Variants in SLC60A2 observed in about 807,000 individuals in gnomAD.
SLC60A2 encodes the protein solute carrier family 60 member 2.
At chr6:111,266,811 A>G in the SLC60A2 span, 1 of 1,613,974 alleles carries the variant, frequency 6.2e-7, no homozygotes, top group South Asian at 1.1e-5. Flanking sequence ...TCGCCAGCGA[A>G]AAGAAGACAG....
At chr6:111,263,757 G>C in the SLC60A2 span, 1 of 743,542 alleles carries the variant, frequency 1.3e-6, no homozygotes, top group Non-Finnish European at 2.3e-6. Context: ...TGCATGTTTG[G>C]ACATTTATGA....
chr6:111,267,095 C>T, the SLC60A2 span: 3 of 1,612,016 alleles, frequency 1.9e-6, no homozygotes, highest in Non-Finnish European at 2.5e-6. Context: ...TGCCAGAAAC[C>T]AGGACAAAAG....
At chr6:111,271,622 T>TAA in the SLC60A2 span, among the ~76,000 whole-genome samples, 1 of 151,400 alleles carries the variant, frequency 6.6e-6, no homozygotes, top group Admixed American at 6.6e-5. Context: ...ATTCCTTGAG[T>TAA]AATCAGGATA....
the SLC60A2 span, chr6:111,265,450 C>T: frequency 2.1e-6 from 2 of 931,766 alleles, no homozygotes; most frequent in African/African-American, 1.8e-5. Context: ...AAGTAATTTT[C>T]CTCAAGTGGC....
At chr6:111,276,275 G>C in the SLC60A2 span, among the ~76,000 whole-genome samples, 1 of 152,264 alleles carries the variant, frequency 6.6e-6, no homozygotes, top group Non-Finnish European at 1.5e-5. Flanking sequence ...CAGTTCTTTT[G>C]AGATATATAC....
At chr6:111,262,470 T>A in the SLC60A2 span, 1 of 1,542,000 alleles carries the variant, frequency 6.5e-7, no homozygotes, top group Non-Finnish European at 8.9e-7. Flanking sequence ...GTCAAGTGAA[T>A]TTACAAGTTG....
chr6:111,271,776 A>T, the SLC60A2 span, among the ~76,000 whole-genome samples: 5 of 37,622 alleles, frequency 1.3e-4, no homozygotes, highest in African/African-American at 5.0e-4. Flanking sequence ...CATCTCTACT[A>T]AAAAAAAAAA....
chr6:111,279,992 TATTG>T, the SLC60A2 span, among the ~76,000 whole-genome samples: 273 of 152,352 alleles, frequency 1.8e-3, no homozygotes, highest in Non-Finnish European at 3.3e-3. Context: ...TTGAATAAAA[TATTG>T]ATAACAATAG....
the SLC60A2 span, among the ~76,000 whole-genome samples, chr6:111,261,409 T>G: frequency 1.3e-5 from 2 of 152,148 alleles, no homozygotes; most frequent in Non-Finnish European, 2.9e-5. Context: ...CATCTCAGCC[T>G]CCCTAGTAAC....
the SLC60A2 span, among the ~76,000 whole-genome samples, chr6:111,261,806 C>T: frequency 6.6e-6 from 1 of 152,120 alleles, no homozygotes; most frequent in Non-Finnish European, 1.5e-5. Flanking sequence ...GTTGGCCACG[C>T]TGGTCTCAAA....
At chr6:111,270,898 C>T in the SLC60A2 span, 1 of 151,174 alleles carries the variant, frequency 6.6e-6, no homozygotes, top group South Asian at 2.1e-4. Context: ...CTTCAGCGGT[C>T]ACTGAAAGTG....
the SLC60A2 span, chr6:111,262,181 A>G: frequency 3.3e-6 from 4 of 1,198,374 alleles, no homozygotes; most frequent in Non-Finnish European, 4.7e-6. Flanking sequence ...TTTTTTTTAT[A>G]GTGGAAGAAA....
the SLC60A2 span, chr6:111,266,411 C>A: frequency 3.7e-6 from 6 of 1,614,136 alleles, no homozygotes; most frequent in Non-Finnish European, 5.1e-6. Context: ...CCTGCAGGGG[C>A]CTGGCAATCT....
the SLC60A2 span, chr6:111,266,959 C>T: frequency 6.2e-7 from 1 of 1,614,118 alleles, no homozygotes; most frequent in Non-Finnish European, 8.5e-7. Context: ...ATGAGGCATT[C>T]TATAATAGAG....
At chr6:111,262,120 G>A in the SLC60A2 span, 1 of 553,996 alleles carries the variant, frequency 1.8e-6, no homozygotes, top group Non-Finnish European at 3.0e-6. Context: ...TAAAAAAACA[G>A]TAGTCTAATT....
chr6:111,269,143 TTGGAGATGGCGG>T, the SLC60A2 span: 4 of 152,150 alleles, frequency 2.6e-5, no homozygotes, highest in East Asian at 7.7e-4. Flanking sequence ...CCTAACAGCT[TTGGAGATGGCGG>T]TGGAGAAGTT....
At chr6:111,271,775 T>TAAAAAAAAAAA in the SLC60A2 span, among the ~76,000 whole-genome samples, 44 of 18,850 alleles carry the variant, frequency 2.3e-3, 7 homozygotes, top group East Asian at 9.1e-3. Context: ...CCATCTCTAC[T>TAAAAAAAAAAA]AAAAAAAAAA....
At chr6:111,260,572 C>T in the SLC60A2 span, among the ~76,000 whole-genome samples, 1 of 152,196 alleles carries the variant, frequency 6.6e-6, no homozygotes, top group Non-Finnish European at 1.5e-5. Flanking sequence ...TTTTGCCAAA[C>T]CCCTGGGTCG....
the SLC60A2 span, among the ~76,000 whole-genome samples, chr6:111,261,273 A>G: frequency 6.6e-6 from 1 of 152,324 alleles, no homozygotes; most frequent in Middle Eastern, 3.4e-3. Flanking sequence ...GCATCCAGAA[A>G]TATTGCTGTT....
Sources: gnomAD v4.1 joint callset for allele counts (sites outside exome capture counted in the v4.1 genomes callset) on GRCh38, gnomAD v4.1.1 for gene constraint, MANE v1.5 for transcripts, NCBI Gene and HGNC (gene_info 2026-07-23, HGNC 2026-07-21) for gene names.